The following CENPP variants were observed in gnomAD, a reference collection of about 807,000 sequenced individuals.
The protein encoded by CENPP is centromere protein P.
A neutral mutation model predicts 35.6 loss-of-function variants in CENPP; 24 were observed. That is an observed-to-expected ratio of 0.67 (90% CI 0.49 to 0.95). The LOEUF is 0.95. Among genes scored for constraint, CENPP ranks in the 40% least tolerant of loss-of-function variants. The pLI is 0.00. For synonymous variants in CENPP, 120 were observed against 125.5 expected, an observed-to-expected ratio of 0.96 and a Z score of 0.29; for missense variants, 332 against 345.3, an observed-to-expected ratio of 0.96 and a Z score of 0.31.
intron 4 of CENPP, among the ~76,000 whole-genome samples, chr9:92,379,270 T>C (rs1842192220): frequency 6.6e-6 from 1 of 152,224 alleles, no homozygotes. Flanking sequence ...GCTGTGCTCC[T>C]GGTTAGCCCT....
In CENPP at chr9:92,618,126, C is replaced by A. The variant is rs1346759822; in HGVS notation, c.*4977C>A. ...TCACAGGTGCGGCCACTGCGCACACCTTCCTGGAAGCAGGCCCAGCCCCAC... is the reference window on the plus strand; with the variant it reads ...TCACAGGTGCGGCCACTGCGCACACATTCCTGGAAGCAGGCCCAGCCCCAC... On this transcript the variant is annotated 3_prime_UTR_variant, in exon 8 of 8. Coordinates refer to ENST00000375587, the MANE Select transcript of CENPP (RefSeq NM_001012267.3). The A allele has an allele frequency of 2.4e-6, 1 of 419,212 alleles. No individual in the cohort carries two copies. The allele number at this position is 419,212 out of a possible 1,614,324, so 26.0% of individuals were successfully genotyped here.
intron 5 of CENPP, among the ~76,000 whole-genome samples, chr9:92,582,491 A>T (rs866428941): frequency 1.3e-5 from 2 of 152,332 alleles, no homozygotes; most frequent in African/African-American, 4.8e-5. Flanking sequence ...TCCCAAGATA[A>T]CAAGTGTAAA....
chr9:92,536,712 C>T (rs993196568), intron 5 of CENPP: 1 of 152,090 alleles, frequency 6.6e-6, no homozygotes, highest in Admixed American at 6.6e-5. Context: ...TATGAGGGAC[C>T]TTGAGTAAGT....
intron 5 of CENPP, among the ~76,000 whole-genome samples, chr9:92,514,210 C>T (rs1229809688): frequency 6.6e-6 from 1 of 151,506 alleles, no homozygotes; most frequent in African/African-American, 2.4e-5. Flanking sequence ...CATTCCCCCA[C>T]CTCAGCCTCC....
At chr9:92,567,373 G>GATATATATATATAGAT (rs1554688239) in intron 5 of CENPP, among the ~76,000 whole-genome samples, 1 of 129,090 alleles carries the variant, frequency 7.7e-6, no homozygotes, top group Non-Finnish European at 1.6e-5. Flanking sequence ...ACATAAGATA[G>GATATATATATATAGAT]ATATATATAT....
At position 92,566,129 on chromosome 9, in the gene CENPP, C is replaced by T. The variant is rs549288443; in HGVS notation, c.565-45185C>T. Among the ~76,000 whole-genome samples, 41 of 151,782 alleles carry T rather than the reference C, an allele frequency of 2.7e-4. No homozygotes were observed. In the South Asian group the frequency reaches 7.7e-3, roughly 29 times the overall value. On this transcript the variant is annotated intron_variant, in intron 5 of 7. Coordinates refer to ENST00000375587, the MANE Select transcript of CENPP (RefSeq NM_001012267.3). ...CAGCCTGGTCATCATGGTGAAACCC[C>T]GTCTCTACTAAAAATACAAAAATTA...
chr9:92,338,891 C>T (rs913640843), intron 3 of CENPP, among the ~76,000 whole-genome samples: 3 of 152,094 alleles, frequency 2.0e-5, no homozygotes, highest in Admixed American at 6.6e-5. Context: ...TTGGCTAAGA[C>T]CTTCACATAA....
intron 5 of CENPP, among the ~76,000 whole-genome samples, chr9:92,500,381 C>T (rs1486611907): frequency 6.6e-6 from 1 of 152,230 alleles, no homozygotes; most frequent in African/African-American, 2.4e-5. Context: ...CGAGGTTTCA[C>T]CATGTTGGCC....
chr9:92,474,880 G>A (rs1391847164), intron 5 of CENPP: 1 of 1,613,256 alleles, frequency 6.2e-7, no homozygotes, highest in Non-Finnish European at 8.5e-7. Context: ...GGAATAATAG[G>A]AGCACATACT....
At chr9:92,360,766 G>A (rs1297324322) in intron 4 of CENPP, among the ~76,000 whole-genome samples, 4 of 149,736 alleles carry the variant, frequency 2.7e-5, no homozygotes, top group Admixed American at 6.6e-5. Context: ...GTGCAATGGC[G>A]TAATCTCAGC....
chr9:92,489,397 G>A (rs947550777), intron 5 of CENPP, among the ~76,000 whole-genome samples: 22 of 152,174 alleles, frequency 1.4e-4, no homozygotes, highest in African/African-American at 4.6e-4. Context: ...GGAAAGGCCT[G>A]GGTTTGCCAG....
intron 5 of CENPP, among the ~76,000 whole-genome samples, chr9:92,520,385 T>C (rs1306386773): frequency 1.3e-5 from 2 of 152,108 alleles, no homozygotes; most frequent in East Asian, 3.8e-4. Flanking sequence ...ACATCATTAG[T>C]TGTTAGGGAA....
chr9:92,532,193 A>G (rs966472833), intron 5 of CENPP, among the ~76,000 whole-genome samples: 1 of 150,062 alleles, frequency 6.7e-6, no homozygotes, highest in African/African-American at 2.5e-5. Flanking sequence ...TCTTTTTTCC[A>G]TTGTTTGTTT....
intron 5 of CENPP, among the ~76,000 whole-genome samples, chr9:92,425,540 G>A (rs1011821885): frequency 2.0e-5 from 3 of 152,136 alleles, no homozygotes; most frequent in African/African-American, 4.8e-5. Context: ...GTTCATTTTG[G>A]GGGGGAATTC....
intron 5 of CENPP, among the ~76,000 whole-genome samples, chr9:92,550,216 C>T (rs1010294512): frequency 1.3e-5 from 2 of 152,002 alleles, no homozygotes; most frequent in East Asian, 1.9e-4. Context: ...GCCAACATGG[C>T]GAAACCCCGT....
intron 5 of CENPP, chr9:92,538,943 G>C (rs1849252099): frequency 6.6e-6 from 1 of 152,038 alleles, no homozygotes; most frequent in South Asian, 2.1e-4. Context: ...AATAAATTGG[G>C]GTTTTTTTTA....
chr9:92,579,816 T>C (rs569030428), intron 5 of CENPP, among the ~76,000 whole-genome samples: 1 of 133,598 alleles, frequency 7.5e-6, no homozygotes, highest in Admixed American at 7.2e-5. Flanking sequence ...CTAATTGCCC[T>C]GGCCAGAACT....
chr9:92,514,970 G>T, intron 5 of CENPP: 3 of 1,613,986 alleles, frequency 1.9e-6, no homozygotes, highest in South Asian at 2.2e-5. Flanking sequence ...TCACTGTAAA[G>T]TTGCCCCTGA....
chr9:92,399,965 G>T (rs1843041091), intron 5 of CENPP, among the ~76,000 whole-genome samples: 2 of 151,898 alleles, frequency 1.3e-5, no homozygotes. Flanking sequence ...ACTGTTTACT[G>T]TTTCCCTTGT....
Sources: gnomAD v4.1 joint callset for allele counts (sites outside exome capture counted in the v4.1 genomes callset) on GRCh38, gnomAD v4.1.1 for gene constraint, MANE v1.5 for transcripts, NCBI Gene and HGNC (gene_info 2026-07-23, HGNC 2026-07-21) for gene names.